Variants in HBS1L observed in about 807,000 individuals in gnomAD.
HBS1L encodes the protein HBS1 like translational GTPase.
HBS1L carries 55 observed loss-of-function variants against 88.9 expected under a neutral mutation model. The ratio of observed to expected loss-of-function variants is 0.62; its 90% CI spans 0.50 to 0.77. HBS1L has a LOEUF of 0.77. HBS1L is among the 30% of genes least tolerant of loss of function. The pLI, the probability that HBS1L is intolerant of heterozygous loss-of-function variation, is 0.00. For missense variants in HBS1L, 741 were observed against 829.3 expected (o/e 0.89, Z 1.31); for synonymous variants, 267 against 288.5 (o/e 0.93, Z 0.76).
At chr6:134,985,515 T>C in intron 11 of HBS1L, 106 bp from the exon 12 acceptor site, 3 of 658,360 alleles carry the variant, frequency 4.6e-6, no homozygotes, top group Non-Finnish European at 7.8e-6. Context: ...ATAACTACTT[T>C]TTATAATTAC....
chr6:135,031,497 T>C (rs1220086874), intron 4 of HBS1L, among the ~76,000 whole-genome samples: 1 of 151,988 alleles, frequency 6.6e-6, no homozygotes, highest in Non-Finnish European at 1.5e-5. Flanking sequence ...CAATTATGAG[T>C]AGCAGGTGAA....
At chr6:135,024,917 G>T (rs572096655) in intron 4 of HBS1L, among the ~76,000 whole-genome samples, 2 of 152,138 alleles carry the variant, frequency 1.3e-5, no homozygotes, top group Non-Finnish European at 2.9e-5. Flanking sequence ...CTTCCGGAAT[G>T]CTTAGTGGCA....
chr6:135,031,046 G>A (rs972456455), intron 4 of HBS1L, among the ~76,000 whole-genome samples: 10 of 151,982 alleles, frequency 6.6e-5, no homozygotes, highest in South Asian at 6.2e-4. Flanking sequence ...CTTTTTGTTG[G>A]TAATTTTGTA....
At chr6:135,018,792 A>T (rs1352248214) in intron 4 of HBS1L, among the ~76,000 whole-genome samples, 1 of 151,888 alleles carries the variant, frequency 6.6e-6, no homozygotes, top group African/African-American at 2.4e-5. Flanking sequence ...AAAAACCCAC[A>T]CTAAACAAAT....
intron 4 of HBS1L, among the ~76,000 whole-genome samples, chr6:135,012,892 G>A (rs1159766620): frequency 6.6e-6 from 1 of 152,192 alleles, no homozygotes; most frequent in African/African-American, 2.4e-5. Context: ...TATGAAGAAA[G>A]ACTCTTAGAT....
At position 134,982,574 on chromosome 6, in the gene HBS1L, AC is replaced by A. The variant is rs1365274208; in HGVS notation, c.1493-13del. 6.1e-6 allele frequency: 9 copies of A among 1,485,068 alleles called. No individual in the cohort carries two copies. Among genetic ancestry groups the A allele is most frequent in the Non-Finnish European group, 8.5e-6 (9 of 1,064,306 alleles). 92.0% of individuals were successfully genotyped at this position (1,485,068 alleles called of 1,614,324 possible). ...TCCAGATCCTTGATCTGCAAAACAT[AC>A]CAAAATCTTATGGTTCATACAGCAA... On this transcript the variant is annotated splice_polypyrimidine_tract_variant and intron_variant, in intron 12 of 17. Transcript: ENST00000367837.
At chr6:135,004,943 T>C (rs985054408) in intron 4 of HBS1L, among the ~76,000 whole-genome samples, 2 of 152,044 alleles carry the variant, frequency 1.3e-5, no homozygotes, top group African/African-American at 2.4e-5. Flanking sequence ...ACTCTAGCAT[T>C]TAATGCCAAG....
intron 2 of HBS1L, among the ~76,000 whole-genome samples, chr6:135,044,910 G>C (rs1028897551): frequency 1.3e-5 from 2 of 152,178 alleles, no homozygotes; most frequent in African/African-American, 4.8e-5. Context: ...CAATGCACAG[G>C]CTTCTCCTCT....
intron 4 of HBS1L, among the ~76,000 whole-genome samples, chr6:135,024,273 T>G (rs1776158344): frequency 1.3e-5 from 2 of 151,842 alleles, no homozygotes. Context: ...ACCCTGTCTC[T>G]ACTAAAAATA....
chr6:134,996,712 T>C (rs772568895), intron 7 of HBS1L, 65 bp downstream of exon 7: 1 of 1,158,070 alleles, frequency 8.6e-7, no homozygotes, highest in Non-Finnish European at 1.2e-6. Context: ...ATTCAACACA[T>C]ATTACACACT....
intron 1 of HBS1L, among the ~76,000 whole-genome samples, chr6:135,052,875 C>A (rs889793520): frequency 1.3e-5 from 2 of 152,090 alleles, no homozygotes; most frequent in African/African-American, 4.8e-5. Flanking sequence ...AGTTAAGTAG[C>A]GGAACCAGTA....
chr6:134,995,573 G>A (rs1343743157), intron 7 of HBS1L, among the ~76,000 whole-genome samples: 1 of 151,498 alleles, frequency 6.6e-6, no homozygotes, highest in Admixed American at 6.6e-5. Context: ...TAAGATACTA[G>A]GTAAATTCAA....
At chr6:135,007,141 A>G (rs1358370540) in intron 4 of HBS1L, among the ~76,000 whole-genome samples, 1 of 152,186 alleles carries the variant, frequency 6.6e-6, no homozygotes, top group Non-Finnish European at 1.5e-5. Flanking sequence ...TTACAATGTG[A>G]TCCTGTAATA....
In HBS1L at chr6:134,988,839, T is replaced by C. The variant is rs182481165; in HGVS notation, c.1084-1048A>G. 3.2e-4 allele frequency among the ~76,000 whole-genome samples: 48 copies of C among 152,202 alleles called. 1 individual carries two copies. The highest frequency in any genetic ancestry group is 2.0e-3 in the Admixed American group (31 of 15,282). On this transcript the variant is annotated intron_variant, in intron 8 of 17. Coordinates refer to ENST00000367837, the MANE Select transcript of HBS1L (RefSeq NM_006620.4). Reference sequence around the variant, plus strand: ...GGGATTTATCCCAGAGAAATAAGTATAGATCTACAAAGATATTCATCAGAG... The same window carrying C: ...GGGATTTATCCCAGAGAAATAAGTACAGATCTACAAAGATATTCATCAGAG...
At chr6:134,973,150 C>T (rs1346319885) in intron 15 of HBS1L, among the ~76,000 whole-genome samples, 2 of 152,186 alleles carry the variant, frequency 1.3e-5, no homozygotes, top group Non-Finnish European at 2.9e-5. Flanking sequence ...CACCCGTTTT[C>T]ACAGCAGCAT....
intron 4 of HBS1L, among the ~76,000 whole-genome samples, chr6:135,033,524 C>G (rs572207260): frequency 6.6e-6 from 1 of 152,282 alleles, no homozygotes; most frequent in African/African-American, 2.4e-5. Context: ...GACAGACCAG[C>G]AGCCAAGCCA....
At chr6:134,985,986 ACT>A in intron 11 of HBS1L, 78 bp downstream of exon 11, 1 of 708,266 alleles carries the variant, frequency 1.4e-6, no homozygotes, top group East Asian at 2.6e-5. Context: ...CATACGTGTG[ACT>A]CTCTCCCATA....
chr6:134,977,179 T>A (rs1774673072), intron 15 of HBS1L, among the ~76,000 whole-genome samples: 1 of 152,030 alleles, frequency 6.6e-6, no homozygotes, highest in Admixed American at 6.6e-5. Context: ...AATCAATATA[T>A]GCTGGCAGAA....
intron 13 of HBS1L, among the ~76,000 whole-genome samples, chr6:134,980,905 A>C (rs1774810821): frequency 6.6e-6 from 1 of 151,974 alleles, no homozygotes; most frequent in African/African-American, 2.4e-5. Context: ...AAACCAAGCA[A>C]AAGCAGTAAG....
Sources: gnomAD v4.1 joint callset for allele counts (sites outside exome capture counted in the v4.1 genomes callset) on GRCh38, gnomAD v4.1.1 for gene constraint, MANE v1.5 for transcripts, NCBI Gene and HGNC (gene_info 2026-07-23, HGNC 2026-07-21) for gene names.